The following MDGA2 variants were observed in gnomAD, a reference collection of about 807,000 sequenced individuals.
MDGA2 encodes the protein MAM domain containing glycosylphosphatidylinositol anchor 2, also known as MAM domain-containing glycosylphosphatidylinositol anchor protein 2.
Under a neutral mutation model 117.8 loss-of-function variants are expected in MDGA2, and 40 were observed. The ratio of observed to expected loss-of-function variants is 0.34; its 90% CI spans 0.26 to 0.44. The LOEUF (loss-of-function observed/expected upper bound fraction) is 0.44. Among genes scored for constraint, MDGA2 ranks in the 20% least tolerant of loss-of-function variants. MDGA2 has a pLI of 1.00. For missense variants in MDGA2, 1,123 were observed against 1,250.6 expected, an observed-to-expected ratio of 0.90 and a Z score of 1.54; for synonymous variants, 452 against 439.0, an observed-to-expected ratio of 1.03 and a Z score of -0.37.
Position 46,874,050 on chromosome 14 carries a change from T to C in MDGA2, c.2588A>G (p.Lys863Arg). 2 of 1,544,010 alleles carry C rather than the reference T, an allele frequency of 1.3e-6. No homozygotes were observed. Among genetic ancestry groups the C allele is most frequent in the Non-Finnish European group, 1.7e-6 (2 of 1,152,868 alleles). ...TGPNADRSGS[K>R]EGFYMYIETS... ...AAAAGGTCATACCCCCATACCTTCT[T>C]TGGAGCCACTACGGTCAGCATTAGG... The change falls in exon 13 of 17, where the codon AAA becomes AGA. Residue 863 changes from lysine to arginine, a missense_variant. Transcript: ENST00000399232.
chr14:47,357,331 A>T (rs1161996006), intron 1 of MDGA2, among the ~76,000 whole-genome samples: 2 of 152,142 alleles, frequency 1.3e-5, no homozygotes, highest in Non-Finnish European at 2.9e-5. Context: ...AGATCACCCT[A>T]AAAAAATTTC....
chr14:47,351,583 A>G (rs17118385), intron 1 of MDGA2, among the ~76,000 whole-genome samples: 8,331 of 152,226 alleles, frequency 0.055, 583 homozygotes, highest in African/African-American at 0.15. Flanking sequence ...AAAATCGTCT[A>G]TCTGGACTCT....
At chr14:47,168,129 C>T (rs1566661052) in intron 3 of MDGA2, among the ~76,000 whole-genome samples, 2 of 151,984 alleles carry the variant, frequency 1.3e-5, no homozygotes, top group African/African-American at 4.8e-5. Flanking sequence ...CTTTATTTGA[C>T]AACTGCCTTC....
chr14:47,019,124 C>G (rs1888192654), intron 8 of MDGA2, among the ~76,000 whole-genome samples: 1 of 152,070 alleles, frequency 6.6e-6, no homozygotes, highest in Non-Finnish European at 1.5e-5. Context: ...TTCCTCACAG[C>G]TTTCAAATTT....
chr14:47,455,459 T>C (rs566572761), intron 1 of MDGA2, among the ~76,000 whole-genome samples: 50 of 152,162 alleles, frequency 3.3e-4, no homozygotes, highest in African/African-American at 9.9e-4. Flanking sequence ...TGAGCCAAGA[T>C]CATGCCACTT....
At chr14:47,375,956 C>T (rs1037436532) in intron 1 of MDGA2, among the ~76,000 whole-genome samples, 79 of 152,108 alleles carry the variant, frequency 5.2e-4, no homozygotes, top group African/African-American at 1.8e-3. Context: ...TATTTAGTTT[C>T]CACCCAATCA....
intron 1 of MDGA2, among the ~76,000 whole-genome samples, chr14:47,309,956 T>C (rs1250766146): frequency 1.3e-5 from 2 of 152,122 alleles, no homozygotes; most frequent in Non-Finnish European, 2.9e-5. Flanking sequence ...AGCAATCATA[T>C]TTTCTGTGTA....
chr14:47,539,789 T>G (rs901814255), intron 1 of MDGA2, among the ~76,000 whole-genome samples: 4 of 152,190 alleles, frequency 2.6e-5, no homozygotes, highest in Non-Finnish European at 4.4e-5. Flanking sequence ...TTATATATGG[T>G]TCATACCACA....
chr14:46,975,925 G>T (rs906717255), intron 8 of MDGA2, among the ~76,000 whole-genome samples: 1 of 152,012 alleles, frequency 6.6e-6, no homozygotes, highest in Non-Finnish European at 1.5e-5. Context: ...GCACTAATCC[G>T]ATTCTTTACA....
intron 1 of MDGA2, among the ~76,000 whole-genome samples, chr14:47,426,671 ATTATATATATCAT>A (rs200786297): frequency 0.013 from 1,916 of 146,546 alleles, 22 homozygotes; most frequent in Middle Eastern, 0.04. Flanking sequence ...TATATCACAC[ATTATATATATCAT>A]TTATATATAT....
At chr14:47,133,573 T>TGC (rs1882312444) in intron 4 of MDGA2, among the ~76,000 whole-genome samples, 1 of 151,940 alleles carries the variant, frequency 6.6e-6, no homozygotes, top group Non-Finnish European at 1.5e-5. Flanking sequence ...TCTATTTTCT[T>TGC]GCCCCACTCC....
intron 8 of MDGA2, among the ~76,000 whole-genome samples, chr14:46,988,759 G>C (rs1027363902): frequency 4.6e-5 from 7 of 152,040 alleles, no homozygotes; most frequent in Non-Finnish European, 4.4e-5. Context: ...ATTGAAATTT[G>C]TGTTCTATAA....
intron 3 of MDGA2, among the ~76,000 whole-genome samples, chr14:47,155,885 C>CTTTTT (rs1883353082): frequency 1.2e-5 from 1 of 80,442 alleles, no homozygotes; most frequent in South Asian, 5.3e-4. Context: ...TCTTCTTCTT[C>CTTTTT]TTCTTTTTTT....
At chr14:47,496,955 C>A (rs1894294412) in intron 1 of MDGA2, among the ~76,000 whole-genome samples, 1 of 151,930 alleles carries the variant, frequency 6.6e-6, no homozygotes, top group Non-Finnish European at 1.5e-5. Flanking sequence ...TCATAAGGAG[C>A]AGGCAAATTA....
intron 1 of MDGA2, among the ~76,000 whole-genome samples, chr14:47,666,437 G>C (rs1338636215): frequency 6.7e-6 from 1 of 150,338 alleles, no homozygotes; most frequent in Non-Finnish European, 1.5e-5. Context: ...GTTTGTAAAT[G>C]CACCAATCAG....
At chr14:47,603,685 C>G (rs35656173) in intron 1 of MDGA2, among the ~76,000 whole-genome samples, 21,461 of 151,900 alleles carry the variant, frequency 0.14, 1,960 homozygotes, top group Non-Finnish European at 0.21. Flanking sequence ...TTTCCTTCTC[C>G]TACCCAGCAC....
At chr14:47,409,672 C>G (rs1214096066) in intron 1 of MDGA2, among the ~76,000 whole-genome samples, 1 of 152,116 alleles carries the variant, frequency 6.6e-6, no homozygotes, top group Non-Finnish European at 1.5e-5. Context: ...CCCTCAGAAG[C>G]TGTATCACTT....
chr14:46,951,287 G>C (rs144385835), intron 9 of MDGA2, among the ~76,000 whole-genome samples: 111 of 152,010 alleles, frequency 7.3e-4, no homozygotes, highest in African/African-American at 2.2e-3. Flanking sequence ...TGTAGGCTAT[G>C]TTCAAAAAGG....
intron 1 of MDGA2, among the ~76,000 whole-genome samples, chr14:47,473,262 GTAGT>G (rs1221896628): frequency 6.6e-6 from 1 of 152,152 alleles, no homozygotes; most frequent in Non-Finnish European, 1.5e-5. Context: ...CTCATTTTGA[GTAGT>G]TAGAGCTAGG....
Sources: gnomAD v4.1 joint callset for allele counts (sites outside exome capture counted in the v4.1 genomes callset) on GRCh38, gnomAD v4.1.1 for gene constraint, MANE v1.5 for transcripts, NCBI Gene and HGNC (gene_info 2026-07-23, HGNC 2026-07-21) for gene names.